Variants in GATA6 observed in about 807,000 individuals in gnomAD.
GATA6 encodes the protein transcription factor GATA-6.
A neutral mutation model predicts 48.1 loss-of-function variants in GATA6; 11 were observed. The ratio of observed to expected loss-of-function variants is 0.23; its 90% CI spans 0.14 to 0.38. GATA6 has a LOEUF of 0.38. Among genes scored for constraint, GATA6 ranks in the 10% least tolerant of loss-of-function variants. The pLI, the probability that GATA6 is intolerant of heterozygous loss-of-function variation, is 1.00. For missense variants in GATA6, 795 were observed against 850.3 expected (o/e 0.93, Z 0.81); for synonymous variants, 419 against 396.1 (o/e 1.06, Z -0.69).
chr18:22,190,017 T>G (rs750621115), intron 6 of GATA6, among the ~76,000 whole-genome samples: 3 of 152,218 alleles, frequency 2.0e-5, no homozygotes, highest in Non-Finnish European at 4.4e-5. Context: ...GCGTGTTAGA[T>G]TAATATGCGA....
rs1377132539 is a variant in GATA6 at position 22,202,494 on chromosome 18, T to G, written c.*1671T>G. ...GAGTAGATTTCAGGAAATCAGGAGG[T>G]GTTTCACAATACAGAATGATGGCCT... On this transcript the variant is annotated 3_prime_UTR_variant, in exon 7 of 7. Coordinates refer to ENST00000269216, the MANE Select transcript of GATA6 (RefSeq NM_005257.6). The G allele has an allele frequency of 6.6e-6, 1 of 152,106 alleles. No individual in the cohort carries two copies. The highest frequency in any genetic ancestry group is 1.5e-5 in the Non-Finnish European group (1 of 68,028). The allele number at this position is 152,106 out of a possible 1,614,324, so 9.4% of individuals were successfully genotyped here. A position where few individuals can be genotyped will look rare whatever the true frequency, so the allele number is the denominator to read the frequency against.
chr18:22,185,894 G>A lies in GATA6; in HGVS notation c.1620+2851G>A, dbSNP rs1296419579. 2.0e-5 allele frequency among the ~76,000 whole-genome samples: 3 copies of A among 152,206 alleles called. No individual in the cohort carries two copies. The highest frequency in any genetic ancestry group is 4.4e-5 in the Non-Finnish European group (3 of 68,038). Reference sequence around the variant, plus strand: ...AGTAGCTGTGAAGAGTCTGCTGGAGGAGCCATCTGTGAGCAGCTGGTAGAA... The same window carrying A: ...AGTAGCTGTGAAGAGTCTGCTGGAGAAGCCATCTGTGAGCAGCTGGTAGAA... On this transcript the variant is annotated intron_variant, in intron 6 of 6. Transcript: ENST00000269216. This position sits in a 1 kb window ranked among gnomAD's most constrained non-coding sequence, Gnocchi z 4.3.
At position 22,183,014 on chromosome 18, in the gene GATA6, TC is replaced by T; in HGVS notation, c.1596del (p.Thr533GlnfsTer13). On this transcript the variant is annotated frameshift_variant, in exon 6 of 7. Coordinates refer to ENST00000269216, the MANE Select transcript of GATA6 (RefSeq NM_005257.6). LOFTEE classifies it high-confidence loss of function. ...SNSDDCSKNT[S>X]PTTQPTASGA... is the part of the protein sequence containing the mutation. ...CTCAGATGATTGCAGCAAAAATACTTCCCCCACAACACAACCTACAGCCTCA... is the reference window on the plus strand; with the variant it reads ...CTCAGATGATTGCAGCAAAAATACTTCCCCACAACACAACCTACAGCCTCA... 1 of 1,613,786 alleles carries T rather than the reference TC, an allele frequency of 6.2e-7. No homozygotes were observed.
chr18:22,171,492 T>C lies in GATA6; in HGVS notation c.348T>C (p.Thr116=). The C allele has an allele frequency of 6.2e-7, 1 of 1,602,046 alleles. No individual in the cohort carries two copies. Among genetic ancestry groups the C allele is most frequent in the Non-Finnish European group, 8.5e-7 (1 of 1,179,550 alleles). ...LSSWEDLLLF[T]DLDQAATASK... is the part of the protein sequence containing the mutation. ...GCTGGGAGGACTTGCTGCTGTTCAC[T>C]GACCTCGACCAAGCCGCGACCGCCA... is the stretch of plus-strand genomic sequence containing the variant. The change falls in exon 2 of 7, where the codon ACT becomes ACC. Residue 116 remains threonine, a synonymous_variant. Coordinates refer to ENST00000269216, the MANE Select transcript of GATA6 (RefSeq NM_005257.6). The surrounding 1 kb of genome is among the most constrained non-coding windows in gnomAD (Gnocchi z 7.1).
At chr18:22,199,059 A>G (rs2033424759) in intron 6 of GATA6, among the ~76,000 whole-genome samples, 2 of 152,076 alleles carry the variant, frequency 1.3e-5, no homozygotes, top group Non-Finnish European at 2.9e-5. Context: ...GGAGGAAGGA[A>G]GTTTGGGTGC....
At chr18:22,184,687 CGG>C (rs1254346487) in intron 6 of GATA6, among the ~76,000 whole-genome samples, 2 of 151,742 alleles carry the variant, frequency 1.3e-5, no homozygotes, top group Non-Finnish European at 2.9e-5. Context: ...TTAGTAGAGA[CGG>C]GGTTTCACCA....
chr18:22,190,099 TTAA>T (rs1357540363), intron 6 of GATA6, among the ~76,000 whole-genome samples: 3 of 152,218 alleles, frequency 2.0e-5, no homozygotes, highest in Non-Finnish European at 4.4e-5. Flanking sequence ...ACTAGTTTGA[TTAA>T]TAATTTTAGC....
chr18:22,197,319 A>T (rs919049), intron 6 of GATA6, among the ~76,000 whole-genome samples: 147,940 of 152,266 alleles, frequency 0.97, 71,893 homozygotes, highest in East Asian at 1. Context: ...TCTAAAGTGC[A>T]GGGATTGCAG....
chr18:22,171,227 C>T lies in GATA6; in HGVS notation c.83C>T (p.Pro28Leu), dbSNP rs1483404102. 6.9e-6 allele frequency: 11 copies of T among 1,599,476 alleles called. No individual in the cohort carries two copies. The highest frequency in any genetic ancestry group is 9.3e-6 in the Non-Finnish European group (11 of 1,179,418). Residue 28 changes from proline (P) to leucine (L), a missense_variant, in exon 2 of 7, where the codon CCA (proline) becomes CTA (leucine). This residue lies in a region of GATA6 where 591 missense variants were observed against 570.0 expected (regional missense o/e 1.04). Coordinates refer to ENST00000269216, the MANE Select transcript of GATA6 (RefSeq NM_005257.6). This position sits in a 1 kb window ranked among gnomAD's most constrained non-coding sequence, Gnocchi z 7.1. Reference protein sequence around the residue: ...GADASDSRAFPAREPSTPPSP... With the variant: ...GADASDSRAFLAREPSTPPSP... Reference sequence around the variant, plus strand: ...GACGCCAGCGACTCCAGAGCCTTTCCAGCGCGGGAGCCCTCCACGCCGCCT... The same window carrying T: ...GACGCCAGCGACTCCAGAGCCTTTCTAGCGCGGGAGCCCTCCACGCCGCCT...
In GATA6 at chr18:22,191,131, A is replaced by G. The variant is rs778673002; in HGVS notation, c.1620+8088A>G. Among the ~76,000 whole-genome samples, 68 of 151,140 alleles carry G rather than the reference A, an allele frequency of 4.5e-4. 1 individual carries two copies. The highest frequency in any genetic ancestry group is 1.1e-3 in the Admixed American group (17 of 15,086). ...GCATTGTGTGCTACATCAATATCCA[A>G]TGGCTTTGTACATTAGGAAACAGTA... On this transcript the variant is annotated intron_variant, in intron 6 of 6. Transcript: ENST00000269216.
rs1403238515 is a variant in GATA6, at chr18:22,171,577, G to C, written c.433G>C (p.Glu145Gln). ...GAGCCCCTTCGCACCCGAGCAGCCGGAGGAGATGTACCAGACCCTCGCCGC... is the reference window on the plus strand; with the variant it reads ...GAGCCCCTTCGCACCCGAGCAGCCGCAGGAGATGTACCAGACCCTCGCCGC... ...KLSPFAPEQPEEMYQTLAALS... is the reference protein window; with the variant it reads ...KLSPFAPEQPQEMYQTLAALS... Residue 145 changes from glutamate (E) to glutamine (Q), a missense_variant, in exon 2 of 7, where the codon GAG becomes CAG. Glu to Gln is a conservative substitution (Grantham distance 29). This residue lies in a region of GATA6 where 591 missense variants were observed against 570.0 expected (regional missense o/e 1.04). Coordinates refer to ENST00000269216, the MANE Select transcript of GATA6 (RefSeq NM_005257.6). The surrounding 1 kb of genome is among the most constrained non-coding windows in gnomAD (Gnocchi z 7.1). 1 of 1,602,236 alleles carries C rather than the reference G, an allele frequency of 6.2e-7. No individual in the cohort carries two copies. The highest frequency in any genetic ancestry group is 8.5e-7 in the Non-Finnish European group (1 of 1,179,198).
At position 22,189,706 on chromosome 18, in the gene GATA6, G is replaced by A. The variant is rs530556157; in HGVS notation, c.1620+6663G>A. On this transcript the variant is annotated intron_variant, in intron 6 of 6. Coordinates refer to ENST00000269216, the MANE Select transcript of GATA6 (RefSeq NM_005257.6). Reference sequence around the variant, plus strand: ...ATGCCACAGAGCTTCTAGAGGACTCGAGAGCCAAACAGTGGTGGATTGGTC... The same window carrying A: ...ATGCCACAGAGCTTCTAGAGGACTCAAGAGCCAAACAGTGGTGGATTGGTC... 2.0e-5 allele frequency among the ~76,000 whole-genome samples: 3 copies of A among 152,272 alleles called. No homozygotes were observed. In the South Asian group the frequency reaches 6.2e-4, roughly 32 times the overall value.
chr18:22,196,927 T>A (rs2033397504), intron 6 of GATA6, among the ~76,000 whole-genome samples: 1 of 152,086 alleles, frequency 6.6e-6, no homozygotes, highest in Non-Finnish European at 1.5e-5. Flanking sequence ...TGGGGTAACT[T>A]GCTTGGGCTG....
intron 6 of GATA6, among the ~76,000 whole-genome samples, chr18:22,189,091 T>C (rs1343928007): frequency 1.3e-5 from 2 of 152,204 alleles, no homozygotes; most frequent in African/African-American, 4.8e-5. Flanking sequence ...TGTTTCTTGC[T>C]AGTAAATAGG....
chr18:22,181,442 A>G lies in GATA6; in HGVS notation c.1303-11A>G. The G allele has an allele frequency of 6.2e-7, 1 of 1,614,046 alleles. No homozygotes were observed. The highest frequency in any genetic ancestry group is 8.5e-7 in the Non-Finnish European group (1 of 1,179,910). The stretch of plus-strand genomic sequence containing the variant: ...TATATTTTTCCACTTATGTTCTTGT[A>G]CTGTTTCTAGCCTTCATCACGGCGG... On this transcript the variant is annotated splice_polypyrimidine_tract_variant and intron_variant, in intron 3 of 6. Transcript: ENST00000269216.
chr18:22,176,968 C>A lies in GATA6; in HGVS notation c.1149C>A (p.Asp383Glu). ...PRGPSADLLE[D>E]LSESRECVNC... ...CTGTCGCCGCAGACCTGCTGGAGGA[C>A]CTGTCCGAGAGCCGCGAGTGCGTGA... Residue 383 changes from aspartate to glutamate, a missense_variant, in exon 3 of 7, where the codon GAC (aspartate) becomes GAA (glutamate). By Grantham distance (45) the Asp-to-Glu change is conservative. Coordinates refer to ENST00000269216, the MANE Select transcript of GATA6 (RefSeq NM_005257.6). The A allele has an allele frequency of 6.4e-7, 1 of 1,559,890 alleles. No individual in the cohort carries two copies. The highest frequency in any genetic ancestry group is 8.7e-7 in the Non-Finnish European group (1 of 1,155,792).
chr18:22,181,585 CA>C lies in GATA6; in HGVS notation c.1428+8del, dbSNP rs1195695382. 1.2e-6 allele frequency: 2 copies of C among 1,614,024 alleles called. No homozygotes were observed. The highest frequency in any genetic ancestry group is 2.2e-5 in the East Asian group (1 of 44,872). On this transcript the variant is annotated splice_region_variant and intron_variant, in intron 4 of 6. Coordinates refer to ENST00000269216, the MANE Select transcript of GATA6 (RefSeq NM_005257.6). ...CTACATGAAACTCCATGGGGTATGC[CA>C]TGTATTCTGCTCACTTGTATATACA...
At chr18:22,176,026 A>G (rs2033117517) in intron 2 of GATA6, among the ~76,000 whole-genome samples, 1 of 152,142 alleles carries the variant, frequency 6.6e-6, no homozygotes, top group South Asian at 2.1e-4. Flanking sequence ...TAAATGTTAC[A>G]TTTACTCTTA....
At chr18:22,184,885 A>AGCGC (rs1465561825) in intron 6 of GATA6, among the ~76,000 whole-genome samples, 1 of 152,094 alleles carries the variant, frequency 6.6e-6, no homozygotes, top group Non-Finnish European at 1.5e-5. Flanking sequence ...GCAGGGAGGG[A>AGCGC]GCCGCCTCTC....
Sources: gnomAD v4.1 joint callset for allele counts (sites outside exome capture counted in the v4.1 genomes callset) on GRCh38, gnomAD v4.1.1 for gene constraint, gnomAD v4.1.1 regional missense constraint, Gnocchi (gnomAD v3.1) non-coding constraint, MANE v1.5 for transcripts, NCBI Gene and HGNC (gene_info 2026-07-23, HGNC 2026-07-21) for gene names.